RAC1: variants seen among roughly 807,000 people sequenced by gnomAD.
RAC1 encodes Rac family small GTPase 1.
In RAC1, 2 loss-of-function variants were observed where a neutral mutation model predicts 25.2. That is an observed-to-expected ratio of 0.08 (90% confidence interval 0.03 to 0.25). RAC1 has a LOEUF of 0.25. RAC1 is among the 10% of genes least tolerant of loss of function. The pLI is 1.00. For missense variants in RAC1, 50 were observed against 235.7 expected, an observed-to-expected ratio of 0.21 and a Z score of 5.16; for synonymous variants, 88 against 94.0, an observed-to-expected ratio of 0.94 and a Z score of 0.37.
chr7:6,402,164 C>T, intron 5 of RAC1, 137 bp downstream of exon 5: 1 of 1,443,056 alleles, frequency 6.9e-7, no homozygotes, highest in South Asian at 1.3e-5. Flanking sequence ...GCTGGCAAGG[C>T]CCTGTGGGTC....
intron 2 of RAC1, chr7:6,391,644 T>C (rs1783096547): frequency 2.4e-6 from 1 of 418,544 alleles, no homozygotes; most frequent in South Asian, 3.6e-5. Flanking sequence ...TCTTAAACTT[T>C]GTTTAAAGTA....
intron 3 of RAC1, among the ~76,000 whole-genome samples, chr7:6,395,046 G>T (rs566069643): frequency 6.6e-6 from 1 of 152,206 alleles, no homozygotes; most frequent in East Asian, 1.9e-4. Context: ...AGTAGAGACG[G>T]GGTTTCACCA....
intron 1 of RAC1, among the ~76,000 whole-genome samples, chr7:6,378,383 T>C (rs941574070): frequency 3.3e-5 from 5 of 151,764 alleles, no homozygotes; most frequent in African/African-American, 9.7e-5. Context: ...CTGTCTCTAC[T>C]AAAAGTACAA....
At chr7:6,401,727 G>A in intron 4 of RAC1, 141 bp from the exon 5 acceptor site, 1 of 764,208 alleles carries the variant, frequency 1.3e-6, no homozygotes. Context: ...TGAATTGAAG[G>A]TGGGAACCAC....
chr7:6,376,597 G>A (rs893397619), intron 1 of RAC1, among the ~76,000 whole-genome samples: 4 of 149,912 alleles, frequency 2.7e-5, no homozygotes, highest in Non-Finnish European at 5.9e-5. Context: ...TGCCTCCCGG[G>A]TTCAAGCGAT....
At chr7:6,402,168 G>A (rs836551) in intron 5 of RAC1, 141 bp downstream of exon 5, 2 of 1,443,560 alleles carry the variant, frequency 1.4e-6, no homozygotes, top group South Asian at 1.3e-5. Context: ...GCAAGGCCCT[G>A]TGGGTCTTAA....
intron 2 of RAC1, among the ~76,000 whole-genome samples, chr7:6,389,515 A>G (rs1400984948): frequency 6.6e-6 from 1 of 151,958 alleles, no homozygotes; most frequent in Non-Finnish European, 1.5e-5. Context: ...CCCTGTCTCT[A>G]CTAAAAATAC....
chr7:6,375,659 TTTC>T (rs2115178715), intron 1 of RAC1, among the ~76,000 whole-genome samples: 1 of 151,668 alleles, frequency 6.6e-6, no homozygotes, highest in East Asian at 1.9e-4. Flanking sequence ...TGTTTTTTCT[TTTC>T]TTTCTTTCTT....
intron 1 of RAC1, among the ~76,000 whole-genome samples, chr7:6,381,315 A>G (rs1351175250): frequency 6.6e-6 from 1 of 151,522 alleles, no homozygotes; most frequent in Non-Finnish European, 1.5e-5. Flanking sequence ...AGTTGTACAT[A>G]GTGTCTTCAG....
chr7:6,376,417 C>T (rs1293566053), intron 1 of RAC1, among the ~76,000 whole-genome samples: 1 of 151,412 alleles, frequency 6.6e-6, no homozygotes, highest in African/African-American at 2.4e-5. Flanking sequence ...TTCCTGACCT[C>T]AGGTGATCCA....
At chr7:6,378,561 A>C (rs1202176417) in intron 1 of RAC1, among the ~76,000 whole-genome samples, 2 of 152,048 alleles carry the variant, frequency 1.3e-5, no homozygotes, top group East Asian at 3.9e-4. Context: ...AAAAAAGAAA[A>C]AAAGTCAGAA....
intron 2 of RAC1, among the ~76,000 whole-genome samples, chr7:6,390,001 T>C (rs538129050): frequency 0.03 from 3,015 of 101,164 alleles, 64 homozygotes; most frequent in Middle Eastern, 0.043. Context: ...TCTCCCTCCC[T>C]CTCTCCCTCC....
At chr7:6,386,788 CAAAAAAAAA>C (rs71008388) in intron 1 of RAC1, among the ~76,000 whole-genome samples, 9 of 88,198 alleles carry the variant, frequency 1.0e-4, no homozygotes, top group Non-Finnish European at 2.1e-4. Context: ...GACTCGGTCT[CAAAAAAAAA>C]AAAAAAAGAA....
chr7:6,387,934 G>A (rs1782968608), intron 2 of RAC1, among the ~76,000 whole-genome samples: 1 of 152,104 alleles, frequency 6.6e-6, no homozygotes, highest in Non-Finnish European at 1.5e-5. Flanking sequence ...AGATACACTG[G>A]CTTTCTGGGA....
At chr7:6,389,504 AC>A (rs781248970) in intron 2 of RAC1, among the ~76,000 whole-genome samples, 1 of 151,612 alleles carries the variant, frequency 6.6e-6, no homozygotes, top group Non-Finnish European at 1.5e-5. Context: ...AGATGGTGAA[AC>A]CCTGTCTCTA....
At chr7:6,401,282 G>T (rs1193363994) in intron 4 of RAC1, among the ~76,000 whole-genome samples, 1 of 152,086 alleles carries the variant, frequency 6.6e-6, no homozygotes, top group Non-Finnish European at 1.5e-5. Context: ...AAAGCTTCAG[G>T]TTCTGGTTCA....
In RAC1 at chr7:6,403,213, T is replaced by C. The variant is rs542485609; in HGVS notation, c.*767T>C. On this transcript the variant is annotated 3_prime_UTR_variant, in exon 6 of 6. Coordinates refer to ENST00000348035, the MANE Select transcript of RAC1 (RefSeq NM_006908.5). ...GATTTACACTACATTGTACAAGGAA[T>C]GAAAGTGTCACGGGTAAAAACTCTA... 6.3e-5 allele frequency: 14 copies of C among 221,864 alleles called. No individual in the cohort carries two copies. The highest frequency in any genetic ancestry group is 2.5e-4 in the African/African-American group (11 of 44,820). 13.7% of individuals were successfully genotyped at this position (221,864 alleles called of 1,614,324 possible).
intron 3 of RAC1, 56 bp from the exon 4 acceptor site, chr7:6,400,070 G>T: frequency 6.8e-7 from 1 of 1,471,102 alleles, no homozygotes; most frequent in South Asian, 1.1e-5. Context: ...AAAGCAAAGT[G>T]CATGCTTCAT....
In RAC1 at chr7:6,374,697, C is replaced by T. The variant is rs948182705; in HGVS notation, c.-39C>T. 5 of 1,083,310 alleles carry T rather than the reference C, an allele frequency of 4.6e-6. No homozygotes were observed. The highest frequency in any genetic ancestry group is 5.6e-6 in the Non-Finnish European group (5 of 892,940). The allele number at this position is 1,083,310 out of a possible 1,614,324, so 67.1% of individuals were successfully genotyped here. A position where few individuals can be genotyped will look rare whatever the true frequency, so the allele number is the denominator to read the frequency against. On this transcript the variant is annotated 5_prime_UTR_variant, in exon 1 of 6. Coordinates refer to ENST00000348035, the MANE Select transcript of RAC1 (RefSeq NM_006908.5). ...CCGAGCCCGCCGCTTCCTATCTCAGCGCCCTGCCGCCGCCGCCGCGGCCCA... is the reference window on the plus strand; with the variant it reads ...CCGAGCCCGCCGCTTCCTATCTCAGTGCCCTGCCGCCGCCGCCGCGGCCCA...
Sources: gnomAD v4.1 joint callset for allele counts (sites outside exome capture counted in the v4.1 genomes callset) on GRCh38, gnomAD v4.1.1 for gene constraint, MANE v1.5 for transcripts, NCBI Gene and HGNC (gene_info 2026-07-23, HGNC 2026-07-21) for gene names.